The following CADM2 variants were observed in gnomAD, a reference collection of about 807,000 sequenced individuals.
CADM2 encodes the protein immunoglobulin superfamily member 4D.
In CADM2, 12 loss-of-function variants were observed where a neutral mutation model predicts 49.8. The observed-to-expected ratio is 0.24, with a 90% CI of 0.15 to 0.39. CADM2 has a LOEUF of 0.39. CADM2 is among the 10% of genes least tolerant of loss of function. The pLI is 1.00. For missense variants in CADM2, 378 were observed against 492.3 expected, an observed-to-expected ratio of 0.77 and a Z score of 2.20; for synonymous variants, 214 against 175.4, an observed-to-expected ratio of 1.22 and a Z score of -1.74.
In CADM2 at chr3:86,009,565, T is replaced by G. The variant is rs542470652; in HGVS notation, c.970+47918T>G. Among the ~76,000 whole-genome samples the G allele has an allele frequency of 2.5e-3, 382 of 151,956 alleles. 1 individual carries two copies. Among genetic ancestry groups the G allele is most frequent in the African/African-American group, 8.9e-3 (369 of 41,558 alleles). The stretch of plus-strand genomic sequence containing the variant: ...TAGTTATATAACATATTTTGTAGGT[T>G]TTACTATGCTTTGCCATTTTTATCT... On this transcript the variant is annotated intron_variant, in intron 8 of 9. Coordinates refer to ENST00000383699, the MANE Select transcript of CADM2 (RefSeq NM_001167675.2).
chr3:86,025,396 T>G (rs1384659135), intron 8 of CADM2, among the ~76,000 whole-genome samples: 1 of 152,020 alleles, frequency 6.6e-6, no homozygotes, highest in Non-Finnish European at 1.5e-5. Context: ...TACTCTTTTG[T>G]TATAAGGCTA....
rs1434142746 is a variant in CADM2, at chr3:86,073,942, G to T, written c.*7159G>T. 6.6e-6 allele frequency: 1 copy of T among 151,616 alleles called. No homozygotes were observed. Among genetic ancestry groups the T allele is most frequent in the African/African-American group, 2.4e-5 (1 of 41,324 alleles). 9.4% of individuals were successfully genotyped at this position (151,616 alleles called of 1,614,324 possible). A position where few individuals can be genotyped will look rare whatever the true frequency, so the allele number is the denominator to read the frequency against. The stretch of plus-strand genomic sequence containing the variant: ...TATCTTATTTGTACAACATTTAATC[G>T]TTATTCCTTGGAATATATGAACCTT... On this transcript the variant is annotated 3_prime_UTR_variant, in exon 10 of 10. Coordinates refer to ENST00000383699, the MANE Select transcript of CADM2 (RefSeq NM_001167675.2).
At chr3:85,195,528 A>G (rs1328703108) in intron 1 of CADM2, among the ~76,000 whole-genome samples, 2 of 140,870 alleles carry the variant, frequency 1.4e-5, no homozygotes, top group African/African-American at 2.7e-5. Context: ...TGTGTAAACC[A>G]TGAAAACCAG....
At chr3:85,383,831 A>G (rs2034051899) in intron 1 of CADM2, among the ~76,000 whole-genome samples, 1 of 151,642 alleles carries the variant, frequency 6.6e-6, no homozygotes, top group Non-Finnish European at 1.5e-5. Flanking sequence ...TCCTTTGTTG[A>G]TTTCCACCAC....
chr3:86,033,826 A>G (rs1017172268), intron 8 of CADM2, among the ~76,000 whole-genome samples: 32 of 147,066 alleles, frequency 2.2e-4, no homozygotes, highest in African/African-American at 7.4e-4. Flanking sequence ...AATTATATAT[A>G]TTTATATACT....
At chr3:85,841,675 T>A (rs1041388503) in intron 3 of CADM2, among the ~76,000 whole-genome samples, 1 of 152,004 alleles carries the variant, frequency 6.6e-6, no homozygotes, top group East Asian at 1.9e-4. Flanking sequence ...GTAGCACACA[T>A]AATTAAGGTT....
intron 1 of CADM2, among the ~76,000 whole-genome samples, chr3:85,170,361 C>CA (rs1349566573): frequency 7.0e-6 from 1 of 142,580 alleles, no homozygotes; most frequent in Non-Finnish European, 1.5e-5. Flanking sequence ...TTTTTTGAGA[C>CA]AGAGTCTTGC....
At chr3:85,984,418 T>C (rs897757397) in intron 8 of CADM2, among the ~76,000 whole-genome samples, 1 of 151,630 alleles carries the variant, frequency 6.6e-6, no homozygotes, top group African/African-American at 2.4e-5. Context: ...TTTAGTAGCA[T>C]CCTCATTTTA....
At chr3:85,908,251 C>CTTCT (rs1217816649) in intron 5 of CADM2, among the ~76,000 whole-genome samples, 140 of 74,798 alleles carry the variant, frequency 1.9e-3, no homozygotes, top group African/African-American at 5.2e-3. Context: ...TTTTTTTTTT[C>CTTCT]TTCTTTTTTT....
At chr3:85,505,163 A>G (rs2040290046) in intron 1 of CADM2, among the ~76,000 whole-genome samples, 1 of 152,232 alleles carries the variant, frequency 6.6e-6, no homozygotes, top group African/African-American at 2.4e-5. Context: ...AAGTGCCGCC[A>G]AAGTGGGAGC....
chr3:85,426,446 T>A lies in CADM2; in HGVS notation c.62-300076T>A, dbSNP rs192115250. Among the ~76,000 whole-genome samples the A allele has an allele frequency of 2.8e-3, 423 of 152,176 alleles. 1 individual carries two copies. Among genetic ancestry groups the A allele is most frequent in the African/African-American group, 9.0e-3 (372 of 41,526 alleles). On this transcript the variant is annotated intron_variant, in intron 1 of 9. Transcript: ENST00000383699. ...TGAGCCCAGGCTTTATACTATTTTT[T>A]TAAAAAAATATCAATATGTTGTTTT...
intron 1 of CADM2, among the ~76,000 whole-genome samples, chr3:85,150,998 G>T (rs1331664625): frequency 6.6e-6 from 1 of 151,348 alleles, no homozygotes; most frequent in Admixed American, 6.6e-5. Flanking sequence ...TAGATGAAAA[G>T]ACAAGATTTT....
chr3:85,044,356 TGCAATCCTCAAA>T, intron 1 of CADM2, among the ~76,000 whole-genome samples: 1 of 152,256 alleles, frequency 6.6e-6, no homozygotes, highest in Non-Finnish European at 1.5e-5. Context: ...AGATTTAAAA[TGCAATCCTCAAA>T]GCAGTTTGGC....
intron 1 of CADM2, among the ~76,000 whole-genome samples, chr3:85,398,519 C>G (rs1441220079): frequency 6.6e-6 from 1 of 151,988 alleles, no homozygotes; most frequent in Non-Finnish European, 1.5e-5. Flanking sequence ...GGGTATATAC[C>G]CAGTAATGGA....
intron 2 of CADM2, among the ~76,000 whole-genome samples, chr3:85,755,771 G>A (rs2069087513): frequency 6.6e-6 from 1 of 151,886 alleles, no homozygotes; most frequent in South Asian, 2.1e-4. Flanking sequence ...ACAGCAAGAG[G>A]GGAATCCACC....
At chr3:85,499,967 C>A (rs1460668461) in intron 1 of CADM2, among the ~76,000 whole-genome samples, 3 of 152,112 alleles carry the variant, frequency 2.0e-5, no homozygotes, top group African/African-American at 7.2e-5. Flanking sequence ...GAGTAGAGTG[C>A]TGCTTAGTTC....
chr3:85,367,534 C>T (rs1410906530), intron 1 of CADM2, among the ~76,000 whole-genome samples: 1 of 151,560 alleles, frequency 6.6e-6, no homozygotes, highest in African/African-American at 2.4e-5. Flanking sequence ...TATTCATTCC[C>T]AGGAAAATGC....
At chr3:86,040,645 T>C (rs1482928801) in intron 8 of CADM2, among the ~76,000 whole-genome samples, 1 of 152,176 alleles carries the variant, frequency 6.6e-6, no homozygotes, top group African/African-American at 2.4e-5. Context: ...GGAACAAAGT[T>C]GGAAAACACT....
intron 8 of CADM2, among the ~76,000 whole-genome samples, chr3:86,008,058 A>T (rs13061466): frequency 0.095 from 14,541 of 152,278 alleles, 848 homozygotes; most frequent in Non-Finnish European, 0.13. Context: ...TCATGATGTC[A>T]TGAAATTCCA....
Sources: gnomAD v4.1 joint callset for allele counts (sites outside exome capture counted in the v4.1 genomes callset) on GRCh38, gnomAD v4.1.1 for gene constraint, MANE v1.5 for transcripts, NCBI Gene and HGNC (gene_info 2026-07-23, HGNC 2026-07-21) for gene names.